PGAP1: variants seen among roughly 807,000 people sequenced by gnomAD.
PGAP1 encodes GPI inositol-deacylase.
PGAP1 carries 76 observed loss-of-function variants against 127.0 expected under a neutral mutation model. The observed-to-expected ratio is 0.60, with a 90% confidence interval of 0.50 to 0.72. The LOEUF is 0.72. Ranked by LOEUF, PGAP1 falls within the 30% of genes least tolerant of loss-of-function variation. PGAP1 has a pLI of 0.00. For missense variants in PGAP1, 982 were observed against 1,071.3 expected, an observed-to-expected ratio of 0.92 and a Z score of 1.16; for synonymous variants, 362 against 366.5, an observed-to-expected ratio of 0.99 and a Z score of 0.14.
At chr2:196,863,395 A>G (rs1701129647) in intron 20 of PGAP1, among the ~76,000 whole-genome samples, 1 of 152,248 alleles carries the variant, frequency 6.6e-6, no homozygotes, top group South Asian at 2.1e-4. Context: ...TAGACATAAA[A>G]AGAATGAAAT....
chr2:196,916,693 G>A (rs368783875), intron 2 of PGAP1, 100 bp from the exon 3 acceptor site: 23 of 1,151,036 alleles, frequency 2.0e-5, no homozygotes, highest in East Asian at 5.6e-5. Context: ...CCTGCATCAC[G>A]AATATAAACC....
At chr2:196,889,214 A>G (rs1346295566) in intron 10 of PGAP1, among the ~76,000 whole-genome samples, 2 of 152,152 alleles carry the variant, frequency 1.3e-5, no homozygotes, top group African/African-American at 2.4e-5. Flanking sequence ...GTGAGAAAAG[A>G]TACTTTAAGC....
chr2:196,871,779 T>C (rs72920817), intron 18 of PGAP1, among the ~76,000 whole-genome samples: 6,851 of 152,244 alleles, frequency 0.045, 221 homozygotes, highest in Middle Eastern at 0.078. Flanking sequence ...CATTTAAGCT[T>C]GGTTTAAAGC....
intron 26 of PGAP1, 72 bp downstream of exon 26, chr2:196,842,649 G>C (rs905750284): frequency 3.2e-6 from 2 of 633,510 alleles, no homozygotes; most frequent in Non-Finnish European, 5.2e-6. Flanking sequence ...GAAATAAAGA[G>C]TATATTTTAG....
Position 196,916,422 on chromosome 2 carries a change from T to C in PGAP1, c.473A>G (p.Tyr158Cys), listed in dbSNP as rs769841646. ...HECIKTILKL[Y>C]KGQEFAPKSV... is the part of the protein sequence containing the mutation. ...ATTTGCATACTTATCTCTCACCTTA[T>C]AGAGTTTGAGAATTGTTTTAATACA... is the stretch of plus-strand genomic sequence containing the variant. The change falls in exon 3 of 27, where the codon TAT becomes TGT. Residue 158 changes from tyrosine (Y) to cysteine (C), a missense_variant. Coordinates refer to ENST00000354764, the MANE Select transcript of PGAP1 (RefSeq NM_024989.4). 10 of 1,606,452 alleles carry C rather than the reference T, an allele frequency of 6.2e-6. No homozygotes were observed. Among genetic ancestry groups the C allele is most frequent in the African/African-American group, 1.3e-5 (1 of 74,604 alleles).
intron 12 of PGAP1, 79 bp downstream of exon 12, chr2:196,885,345 G>T: frequency 3.3e-6 from 3 of 919,284 alleles, no homozygotes; most frequent in Non-Finnish European, 5.0e-6. Context: ...ATAAGCTAAT[G>T]AAAGAGAATA....
chr2:196,901,466 G>A (rs1025870875), intron 5 of PGAP1, among the ~76,000 whole-genome samples: 3 of 152,200 alleles, frequency 2.0e-5, no homozygotes, highest in Non-Finnish European at 4.4e-5. Flanking sequence ...CTATGAAACA[G>A]TGATTTTCTA....
chr2:196,861,479 A>G (rs1191306118), intron 20 of PGAP1, among the ~76,000 whole-genome samples: 1 of 152,222 alleles, frequency 6.6e-6, no homozygotes, highest in African/African-American at 2.4e-5. Context: ...ACAGCAAAAC[A>G]AACAAATACT....
At position 196,833,178 on chromosome 2, in the gene PGAP1, C is replaced by T. The variant is rs1335256600; in HGVS notation, c.*8056G>A. On this transcript the variant is annotated 3_prime_UTR_variant, in exon 27 of 27. Transcript: ENST00000354764. ...CACAGGTAAAAACATTCACAACACA[C>T]TCTACAGAATATAGTAAGTAGTACT... The T allele has an allele frequency of 6.6e-6, 1 of 152,486 alleles. No individual in the cohort carries two copies. Among genetic ancestry groups the T allele is most frequent in the Non-Finnish European group, 1.5e-5 (1 of 68,016 alleles). The allele number at this position is 152,486 out of a possible 1,614,324, so 9.4% of individuals were successfully genotyped here. A position where few individuals can be genotyped will look rare whatever the true frequency, so the allele number is the denominator to read the frequency against.
rs1197784170 is a variant in PGAP1, at chr2:196,875,819, A to C, written c.1353T>G (p.Phe451Leu). The C allele has an allele frequency of 1.4e-6, 2 of 1,400,262 alleles. No homozygotes were observed. The highest frequency in any genetic ancestry group is 2.4e-5 in the South Asian group (2 of 83,418). 86.7% of individuals were successfully genotyped at this position (1,400,262 alleles called of 1,614,324 possible). A position where few individuals can be genotyped will look rare whatever the true frequency, so the allele number is the denominator to read the frequency against. Residue 451 changes from phenylalanine (F) to leucine (L), a missense_variant and splice_region_variant, in exon 14 of 27, where the codon TTT becomes TTG. Coordinates refer to ENST00000354764, the MANE Select transcript of PGAP1 (RefSeq NM_024989.4). ...VYVPSVRGSK[F>L]VVDCEFFKKE... ...TTTTAAAGAATTCACAATCTACAAC[A>C]AACTGAAATATAAAACATTGATTTA...
intron 20 of PGAP1, among the ~76,000 whole-genome samples, chr2:196,853,910 ATTTTTTTT>A (rs59361073): frequency 2.3e-5 from 3 of 130,432 alleles, no homozygotes; most frequent in African/African-American, 8.8e-5. Context: ...CCAAAGATGA[ATTTTTTTT>A]TTTTTTTTTT....
chr2:196,885,160 T>C (rs989445992), intron 12 of PGAP1, among the ~76,000 whole-genome samples: 6 of 152,226 alleles, frequency 3.9e-5, no homozygotes, highest in Non-Finnish European at 4.4e-5. Context: ...CAGTTCTTTT[T>C]GTATGAAGTT....
intron 24 of PGAP1, 73 bp from the exon 25 acceptor site, chr2:196,844,148 T>C (rs1700493917): frequency 3.4e-6 from 3 of 892,460 alleles, no homozygotes; most frequent in African/African-American, 3.4e-5. Flanking sequence ...TCATACTCAT[T>C]ACTTATCAAC....
intron 25 of PGAP1, 51 bp downstream of exon 25, chr2:196,843,837 G>A (rs749816695): frequency 8.4e-7 from 1 of 1,193,550 alleles, no homozygotes; most frequent in South Asian, 2.7e-5. Flanking sequence ...TCTACTTAGG[G>A]ATATTTATTG....
intron 24 of PGAP1, among the ~76,000 whole-genome samples, 159 bp from the exon 25 acceptor site, chr2:196,844,234 G>A (rs1700496287): frequency 1.3e-5 from 2 of 151,948 alleles, no homozygotes; most frequent in African/African-American, 2.4e-5. Flanking sequence ...CTTTAAAATT[G>A]TTATAAAACC....
intron 13 of PGAP1, 54 bp from the exon 14 acceptor site, chr2:196,875,875 GT>G: frequency 1.6e-5 from 15 of 917,816 alleles, no homozygotes; most frequent in Non-Finnish European, 2.4e-5. Flanking sequence ...TTACAGTAAA[GT>G]ATCTTTACTT....
chr2:196,891,726 A>G (rs1702106484), intron 9 of PGAP1, among the ~76,000 whole-genome samples: 1 of 152,126 alleles, frequency 6.6e-6, no homozygotes. Context: ...AGAATTAACT[A>G]GAATACTATT....
chr2:196,883,650 T>C (rs975039668), intron 12 of PGAP1, among the ~76,000 whole-genome samples: 4 of 152,228 alleles, frequency 2.6e-5, no homozygotes, highest in Non-Finnish European at 5.9e-5. Context: ...GGGCTCCATC[T>C]ATTTATTAAA....
At chr2:196,870,500 T>C (rs574830039) in intron 19 of PGAP1, among the ~76,000 whole-genome samples, 1 of 152,220 alleles carries the variant, frequency 6.6e-6, no homozygotes, top group East Asian at 1.9e-4. Context: ...TTTCACCAGT[T>C]GGCCAGGCTG....
Sources: gnomAD v4.1 joint callset for allele counts (sites outside exome capture counted in the v4.1 genomes callset) on GRCh38, gnomAD v4.1.1 for gene constraint, MANE v1.5 for transcripts, NCBI Gene and HGNC (gene_info 2026-07-23, HGNC 2026-07-21) for gene names.